Variants in OLFML2A observed in about 807,000 individuals in gnomAD.
OLFML2A encodes olfactomedin-like protein 2A.
Under a neutral mutation model 60.9 loss-of-function variants are expected in OLFML2A, and 47 were observed. The observed-to-expected ratio is 0.77, with a 90% CI of 0.61 to 0.98. The LOEUF (loss-of-function observed/expected upper bound fraction) is 0.98. Ranked by LOEUF, OLFML2A falls within the 50% of genes least tolerant of loss-of-function variation. The pLI is 0.00. For synonymous variants in OLFML2A, 372 were observed against 375.0 expected, an observed-to-expected ratio of 0.99 and a Z score of 0.09; for missense variants, 922 against 879.8, an observed-to-expected ratio of 1.05 and a Z score of -0.61.
chr9:124,778,443 G>A (rs569792439), intron 1 of OLFML2A, among the ~76,000 whole-genome samples: 2 of 152,050 alleles, frequency 1.3e-5, no homozygotes, highest in South Asian at 4.2e-4. Flanking sequence ...GCCAGGTTCA[G>A]TGGCTCACAC....
In OLFML2A at chr9:124,792,021, T is replaced by TCC. The variant is rs141643349; in HGVS notation, c.355-3002_355-3001insCC. 3.2e-3 allele frequency among the ~76,000 whole-genome samples: 491 copies of TCC among 152,292 alleles called. 2 individuals carry two copies. The highest frequency in any genetic ancestry group is 0.012 in the African/African-American group (479 of 41,560). ...CATAGCACAGGCTGCTCCCTTTACT[T>TCC]CACATGTCCTTTCCTGGGCATCTTT... On this transcript the variant is annotated intron_variant, in intron 2 of 7. Transcript: ENST00000373580.
chr9:124,799,502 A>G lies in OLFML2A; in HGVS notation c.669+11A>G. The G allele has an allele frequency of 1.3e-6, 2 of 1,570,694 alleles. No individual in the cohort carries two copies. The highest frequency in any genetic ancestry group is 2.3e-5 in the South Asian group (2 of 86,584). ...GGTAGCAAGGCCCAGGTGAGGCCCC[A>G]GCTCTGATCATGGGGCCGGAGCTGG... On this transcript the variant is annotated intron_variant, in intron 4 of 7. Transcript: ENST00000373580.
chr9:124,795,832 G>A (rs528896485), intron 3 of OLFML2A, among the ~76,000 whole-genome samples: 15 of 152,322 alleles, frequency 9.8e-5, no homozygotes, highest in South Asian at 6.2e-4. Context: ...AGGACTGACC[G>A]AGCCCACTGG....
Position 124,801,588 on chromosome 9 carries a change from G to T in OLFML2A, c.844G>T (p.Ala282Ser). ...LQPTAKPRAL[A>S]QQQAVIRGFT... The stretch of plus-strand genomic sequence containing the variant: ...GCCCACAGCCAAGCCCCGCGCCCTG[G>T]CCCAGCAGCAGGCTGTGATCCGGGG... The change falls in exon 5 of 8, where the codon GCC becomes TCC. Residue 282 changes from alanine to serine, a missense_variant. Coordinates refer to ENST00000373580, the MANE Select transcript of OLFML2A (RefSeq NM_182487.4). 1 of 1,613,994 alleles carries T rather than the reference G, an allele frequency of 6.2e-7. No homozygotes were observed. Among genetic ancestry groups the T allele is most frequent in the South Asian group, 1.1e-5 (1 of 91,076 alleles).
At chr9:124,794,687 T>C (rs1179860588) in intron 2 of OLFML2A, among the ~76,000 whole-genome samples, 1 of 152,180 alleles carries the variant, frequency 6.6e-6, no homozygotes, top group Non-Finnish European at 1.5e-5. Context: ...AGTGGCGTGA[T>C]CTCGGCTCAC....
intron 2 of OLFML2A, among the ~76,000 whole-genome samples, chr9:124,792,933 C>A (rs1339611788): frequency 2.0e-5 from 3 of 152,096 alleles, no homozygotes; most frequent in Non-Finnish European, 4.4e-5. Flanking sequence ...CCCTCGGGGC[C>A]AAAGCCAGGT....
intron 2 of OLFML2A, 151 bp from the exon 3 acceptor site, chr9:124,794,873 G>T (rs7856071): frequency 0.5 from 247,394 of 491,006 alleles, 63,188 homozygotes; most frequent in Admixed American, 0.63. Flanking sequence ...CCACCCGCCT[G>T]GGCCTCCCAA....
At position 124,813,303 on chromosome 9, in the gene OLFML2A, G is replaced by C. The variant is rs537402239; in HGVS notation, c.*2891G>C. 2 of 152,186 alleles carry C rather than the reference G, an allele frequency of 1.3e-5. No individual in the cohort carries two copies. Among genetic ancestry groups the C allele is most frequent in the African/African-American group, 4.8e-5 (2 of 41,442 alleles). The allele number at this position is 152,186 out of a possible 1,614,324, so 9.4% of individuals were successfully genotyped here. ...GGCGCCTAGAACAGTTAGGTCGCTC[G>C]TCACATAGGCAGTTAAGTGGAGAAC... On this transcript the variant is annotated 3_prime_UTR_variant, in exon 8 of 8. Transcript: ENST00000373580.
Position 124,813,475 on chromosome 9 carries a change from G to T in OLFML2A, c.*3063G>T, listed in dbSNP as rs1368088452. On this transcript the variant is annotated 3_prime_UTR_variant, in exon 8 of 8. Transcript: ENST00000373580. The stretch of plus-strand genomic sequence containing the variant: ...ATTTTACAGATGAGGACATTGAGGA[G>T]AAGAGACTTACCCAGGCTCACACAG... 6.6e-6 allele frequency: 1 copy of T among 152,264 alleles called. No homozygotes were observed. Among genetic ancestry groups the T allele is most frequent in the African/African-American group, 2.4e-5 (1 of 41,456 alleles). 9.4% of individuals were successfully genotyped at this position (152,264 alleles called of 1,614,324 possible).
At chr9:124,803,810 C>T (rs538669182) in intron 5 of OLFML2A, among the ~76,000 whole-genome samples, 1 of 152,380 alleles carries the variant, frequency 6.6e-6, no homozygotes, top group Non-Finnish European at 1.5e-5. Context: ...GTCAACACCA[C>T]AGTCCAGCAT....
intron 6 of OLFML2A, among the ~76,000 whole-genome samples, chr9:124,806,409 G>T (rs761519374): frequency 6.6e-6 from 1 of 151,274 alleles, no homozygotes; most frequent in Non-Finnish European, 1.5e-5. Flanking sequence ...TTTTTTTGTG[G>T]CGAGAACACT....
At chr9:124,800,214 G>A (rs1394160590) in intron 4 of OLFML2A, among the ~76,000 whole-genome samples, 1 of 152,206 alleles carries the variant, frequency 6.6e-6, no homozygotes, top group Non-Finnish European at 1.5e-5. Context: ...ATGTGGCTTG[G>A]CAAATGGAGT....
rs181710249 is a variant in OLFML2A, at chr9:124,806,677, A to G, written c.1169-1104A>G. ...CACTCTGTCACCCGGCTGGAGTGCA[A>G]TTGTGTGATCTTGGCTCACTGCAAC... On this transcript the variant is annotated intron_variant, in intron 6 of 7. Transcript: ENST00000373580. Among the ~76,000 whole-genome samples the G allele has an allele frequency of 1.3e-3, 199 of 151,212 alleles. 1 individual carries two copies. Among genetic ancestry groups the G allele is most frequent in the African/African-American group, 4.6e-3 (188 of 41,178 alleles).
At chr9:124,803,829 C>T (rs927387021) in intron 5 of OLFML2A, among the ~76,000 whole-genome samples, 1 of 152,234 alleles carries the variant, frequency 6.6e-6, no homozygotes, top group Admixed American at 6.5e-5. Context: ...ATGGTGGGCT[C>T]CTGACTCTCA....
At chr9:124,795,908 T>TC (rs1841660939) in intron 3 of OLFML2A, among the ~76,000 whole-genome samples, 1 of 152,198 alleles carries the variant, frequency 6.6e-6, no homozygotes, top group South Asian at 2.1e-4. Flanking sequence ...GTGAATGTGC[T>TC]ATAGGACTGG....
At chr9:124,800,778 G>A (rs942173512) in intron 4 of OLFML2A, 11 of 1,250,530 alleles carry the variant, frequency 8.8e-6, no homozygotes, top group African/African-American at 6.1e-5. Flanking sequence ...GCCTAACGAT[G>A]AGTGATGTCA....
chr9:124,784,875 T>C (rs547921585), intron 1 of OLFML2A, among the ~76,000 whole-genome samples: 44 of 149,964 alleles, frequency 2.9e-4, no homozygotes, highest in Non-Finnish European at 5.8e-4. Context: ...CTGGCTTCTC[T>C]CACTTAACAT....
chr9:124,795,181 C>A, intron 3 of OLFML2A, 50 bp downstream of exon 3: 1 of 1,181,094 alleles, frequency 8.5e-7, no homozygotes, highest in Non-Finnish European at 1.2e-6. Context: ...TGCTGGGGGC[C>A]AAGGGCACTG....
In OLFML2A at chr9:124,810,395, C is replaced by T. The variant is rs773016365; in HGVS notation, c.1942C>T (p.Leu648Phe). 5.6e-6 allele frequency: 9 copies of T among 1,597,380 alleles called. No individual in the cohort carries two copies. In the South Asian group the frequency reaches 8.8e-5, roughly 16 times the overall value. ...WDNGHQLTYT[L>F]HFVV ...CAATGGCCACCAGCTCACCTACACC[C>T]TCCACTTCGTGGTCTGAGTGGAGAC... The change falls in exon 8 of 8, where the codon CTC (leucine) becomes TTC (phenylalanine). Residue 648 changes from leucine (L) to phenylalanine (F), a missense_variant. Coordinates refer to ENST00000373580, the MANE Select transcript of OLFML2A (RefSeq NM_182487.4).
Sources: gnomAD v4.1 joint callset for allele counts (sites outside exome capture counted in the v4.1 genomes callset) on GRCh38, gnomAD v4.1.1 for gene constraint, MANE v1.5 for transcripts, NCBI Gene and HGNC (gene_info 2026-07-23, HGNC 2026-07-21) for gene names.